Variants in GPR174 observed in about 807,000 individuals in gnomAD.
GPR174 encodes probable G protein-coupled receptor 174.
Under a neutral mutation model 16.5 loss-of-function variants are expected in GPR174, and 8 were observed. That is an observed-to-expected ratio of 0.48 (90% confidence interval 0.28 to 0.87). The LOEUF (loss-of-function observed/expected upper bound fraction) is 0.87, where lower values mean the gene tolerates loss of function less well. Among genes scored for constraint, GPR174 ranks in the 40% least tolerant of loss-of-function variants. The probability of loss-of-function intolerance (pLI) is 0.09; values close to 1 mark genes in which losing one functional copy is unlikely to be tolerated. For synonymous variants in GPR174, 111 were observed against 94.8 expected (o/e 1.17, Z -0.99); for missense variants, 214 against 247.5 (o/e 0.86, Z 0.91).
Position 79,145,110 on chromosome X carries a change from C to T in GPR174, c.-761C>T, listed in dbSNP as rs1391266063. The T allele has an allele frequency of 1.9e-5, 2 of 105,664 alleles. No homozygotes were observed. Among genetic ancestry groups the T allele is most frequent in the Non-Finnish European group, 3.9e-5 (2 of 51,597 alleles). 8.7% of individuals were successfully genotyped at this position (105,664 alleles called of 1,213,427 possible). A position where few individuals can be genotyped will look rare whatever the true frequency, so the allele number is the denominator to read the frequency against. Reference sequence around the variant, plus strand: ...GAAGGAGAATTGGATTGGTTATTTTCAGAACAGGCAGCCTAAATTGATGCA... The same window carrying T: ...GAAGGAGAATTGGATTGGTTATTTTTAGAACAGGCAGCCTAAATTGATGCA... On this transcript the variant is annotated 5_prime_UTR_variant, in exon 1 of 3. Coordinates refer to ENST00000645147, the MANE Select transcript of GPR174 (RefSeq NM_032553.3).
rs1921493098 is a variant in GPR174 at position 79,170,793 on chromosome X, A to G, written c.-215A>G. 2.4e-6 allele frequency: 1 copy of G among 411,496 alleles called. No homozygotes were observed. Among genetic ancestry groups the G allele is most frequent in the Non-Finnish European group, 4.2e-6 (1 of 239,002 alleles). The allele number at this position is 411,496 out of a possible 1,213,427, so 33.9% of individuals were successfully genotyped here. A position where few individuals can be genotyped will look rare whatever the true frequency, so the allele number is the denominator to read the frequency against. On this transcript the variant is annotated 5_prime_UTR_variant, in exon 3 of 3. Transcript: ENST00000645147. The stretch of plus-strand genomic sequence containing the variant: ...TTGTACACTAGACTTCCATGTAGTT[A>G]CTCTAGAGAAATCTAAATCAAAAAT...
chrX:79,166,138 C>T (rs891532391), intron 2 of GPR174, among the ~76,000 whole-genome samples: 1 of 111,736 alleles, frequency 8.9e-6, no homozygotes. Flanking sequence ...TGTGACTTGT[C>T]TCTTAAGAGT....
chrX:79,145,753 T>C (rs747960972), intron 1 of GPR174, among the ~76,000 whole-genome samples: 28 of 111,976 alleles, frequency 2.5e-4, no homozygotes, highest in Admixed American at 2.2e-3. Context: ...CTTGTGTAAG[T>C]TACTTATTTT....
At chrX:79,161,016 G>A (rs1241835968) in intron 2 of GPR174, among the ~76,000 whole-genome samples, 2 of 112,010 alleles carry the variant, frequency 1.8e-5, no homozygotes, top group Non-Finnish European at 3.8e-5. Context: ...AGTTAAGTAG[G>A]TAAGTAGACT....
intron 2 of GPR174, among the ~76,000 whole-genome samples, chrX:79,169,661 C>A (rs1426130489): frequency 3.6e-5 from 4 of 111,252 alleles, no homozygotes; most frequent in Non-Finnish European, 7.5e-5. Flanking sequence ...TAGTTAAGTC[C>A]TCCTAGATTT....
In GPR174 at chrX:79,171,193, C is replaced by G. The variant is rs745446286; in HGVS notation, c.186C>G (p.Ala62=). 2.2e-5 allele frequency: 26 copies of G among 1,205,007 alleles called. No homozygotes were observed. The highest frequency in any genetic ancestry group is 2.9e-5 in the Non-Finnish European group (26 of 891,681). Residue 62 remains alanine (A), a synonymous_variant, in exon 3 of 3, where the codon GCC becomes GCG. Transcript: ENST00000645147. The part of the protein sequence containing the change: ...KRAVIFMINL[A]IADLLQVLSL... ...CTGTGATATTTATGATAAACTTAGC[C>G]ATTGCTGACTTACTACAAGTTCTTT...
At chrX:79,167,565 A>G (rs890410546) in intron 2 of GPR174, among the ~76,000 whole-genome samples, 2 of 110,815 alleles carry the variant, frequency 1.8e-5, no homozygotes. Context: ...CTCAATACCA[A>G]TTGGTTTGCC....
intron 2 of GPR174, among the ~76,000 whole-genome samples, chrX:79,167,426 G>A (rs936958608): frequency 9.0e-6 from 1 of 111,163 alleles, no homozygotes; most frequent in African/African-American, 3.3e-5. Context: ...TAGACCCTGA[G>A]AGGTAAAAGC....
chrX:79,162,614 A>T (rs778149430), intron 2 of GPR174, among the ~76,000 whole-genome samples: 1 of 112,331 alleles, frequency 8.9e-6, no homozygotes, highest in Non-Finnish European at 1.9e-5. Context: ...ATACAAGGAC[A>T]GATGTAGTAT....
intron 2 of GPR174, among the ~76,000 whole-genome samples, chrX:79,164,065 T>A (rs181752828): frequency 8.9e-6 from 1 of 111,744 alleles, no homozygotes; most frequent in East Asian, 2.8e-4. Flanking sequence ...TGATGTTCGA[T>A]ATTTCATACT....
chrX:79,161,676 A>G (rs1351867262), intron 2 of GPR174, among the ~76,000 whole-genome samples: 1 of 111,734 alleles, frequency 8.9e-6, no homozygotes, highest in Non-Finnish European at 1.9e-5. Context: ...ATAAAAGGGA[A>G]CAAACCAGCA....
chrX:79,172,838 C>A lies in GPR174; in HGVS notation c.*829C>A, dbSNP rs780569909. On this transcript the variant is annotated 3_prime_UTR_variant, in exon 3 of 3. Coordinates refer to ENST00000645147, the MANE Select transcript of GPR174 (RefSeq NM_032553.3). Reference sequence around the variant, plus strand: ...ACAATTCTGCTCTCTTACACTTTTTCTAAAGAACACTTCTGGAGATGTATG... The same window carrying A: ...ACAATTCTGCTCTCTTACACTTTTTATAAAGAACACTTCTGGAGATGTATG... 111 of 111,325 alleles carry A rather than the reference C, an allele frequency of 1.0e-3. 1 individual carries two copies. Among genetic ancestry groups the A allele is most frequent in the African/African-American group, 3.6e-3 (109 of 30,616 alleles). 9.2% of individuals were successfully genotyped at this position (111,325 alleles called of 1,213,427 possible). A position where few individuals can be genotyped will look rare whatever the true frequency, so the allele number is the denominator to read the frequency against.
At chrX:79,166,432 C>CTTTTTTTTTTTT (rs1174620976) in intron 2 of GPR174, among the ~76,000 whole-genome samples, 164 of 43,631 alleles carry the variant, frequency 3.8e-3, no homozygotes, top group Non-Finnish European at 4.0e-3. Flanking sequence ...TTTCTTTTTT[C>CTTTTTTTTTTTT]TTTTTTTTTT....
chrX:79,172,085 A>G lies in GPR174; in HGVS notation c.*76A>G, dbSNP rs1921532862. The G allele has an allele frequency of 2.1e-5, 21 of 1,022,351 alleles. No homozygotes were observed. The highest frequency in any genetic ancestry group is 2.5e-5 in the Non-Finnish European group (19 of 755,942). The allele number at this position is 1,022,351 out of a possible 1,213,427, so 84.3% of individuals were successfully genotyped here. On this transcript the variant is annotated 3_prime_UTR_variant, in exon 3 of 3. Transcript: ENST00000645147. ...ATCTGCAATACCCAAGCCACAGGGA[A>G]GAACTTGCAAAACAACACAGCTTTT...
chrX:79,152,250 A>C (rs1281386494), intron 1 of GPR174, among the ~76,000 whole-genome samples: 1 of 111,652 alleles, frequency 9.0e-6, no homozygotes, highest in East Asian at 2.8e-4. Flanking sequence ...ATTTGGGAGA[A>C]TACATGGGAT....
chrX:79,171,460 C>A lies in GPR174; in HGVS notation c.453C>A (p.Leu151=). The change falls in exon 3 of 3, where the codon CTC becomes CTA. Residue 151 remains leucine (L), a synonymous_variant. Coordinates refer to ENST00000645147, the MANE Select transcript of GPR174 (RefSeq NM_032553.3). ...TGATCATCTGCCTTGCCTGTGTACTCTTTCCACTCCTCAGAACCAGTGATG... is the reference window on the plus strand; with the variant it reads ...TGATCATCTGCCTTGCCTGTGTACTATTTCCACTCCTCAGAACCAGTGATG... ...GWLIICLACV[L]FPLLRTSDDT... is the part of the protein sequence containing the mutation. The A allele has an allele frequency of 1.7e-6, 2 of 1,211,200 alleles. No homozygotes were observed. The highest frequency in any genetic ancestry group is 2.2e-6 in the Non-Finnish European group (2 of 895,123).
rs1273394541 is a variant in GPR174 at position 79,175,125 on chromosome X, C to A, written c.*3116C>A. The A allele has an allele frequency of 1.8e-5, 2 of 110,980 alleles. No homozygotes were observed. The highest frequency in any genetic ancestry group is 3.8e-5 in the Non-Finnish European group (2 of 52,971). The allele number at this position is 110,980 out of a possible 1,213,427, so 9.1% of individuals were successfully genotyped here. On this transcript the variant is annotated 3_prime_UTR_variant, in exon 3 of 3. Coordinates refer to ENST00000645147, the MANE Select transcript of GPR174 (RefSeq NM_032553.3). ...AATTCCACAAAGAGAAGCCATCTGCCCCAGGAGCAACAGACCAAGCTGCCT... is the reference window on the plus strand; with the variant it reads ...AATTCCACAAAGAGAAGCCATCTGCACCAGGAGCAACAGACCAAGCTGCCT...
chrX:79,156,777 C>T (rs979833958), intron 1 of GPR174, 45 bp from the exon 2 acceptor site: 2 of 111,942 alleles, frequency 1.8e-5, no homozygotes, highest in African/African-American at 6.5e-5. Flanking sequence ...CTCTGAGCAT[C>T]TTCTCCATGC....
At chrX:79,152,087 G>T (rs1164830215) in intron 1 of GPR174, among the ~76,000 whole-genome samples, 1 of 111,943 alleles carries the variant, frequency 8.9e-6, no homozygotes, top group African/African-American at 3.2e-5. Flanking sequence ...ACAATGTGTG[G>T]TTTTAGATGC....
Sources: gnomAD v4.1 joint callset for allele counts (sites outside exome capture counted in the v4.1 genomes callset) on GRCh38, gnomAD v4.1.1 for gene constraint, MANE v1.5 for transcripts, NCBI Gene and HGNC (gene_info 2026-07-23, HGNC 2026-07-21) for gene names.